The following AMACR variants were observed in gnomAD, a reference collection of about 807,000 sequenced individuals.
AMACR encodes alpha-methylacyl-CoA racemase, also known as 2-methylacyl-CoA racemase.
AMACR carries 18 observed loss-of-function variants against 22.2 expected under a neutral mutation model. That is an observed-to-expected ratio of 0.81 (90% CI 0.56 to 1.20). AMACR has a LOEUF of 1.20. Ranked by LOEUF, AMACR falls within the 50% of genes most tolerant of loss-of-function variation. The pLI is 0.00. For synonymous variants in AMACR, 213 were observed against 191.3 expected (o/e 1.11, Z -0.94); for missense variants, 499 against 490.6 (o/e 1.02, Z -0.16).
intron 4 of AMACR, among the ~76,000 whole-genome samples, chr5:33,991,755 T>TA (rs1561037862): frequency 6.6e-6 from 1 of 150,502 alleles, no homozygotes; most frequent in Non-Finnish European, 1.5e-5. Context: ...TTATTATTAT[T>TA]TTTGAGACGG....
intron 4 of AMACR, among the ~76,000 whole-genome samples, chr5:33,996,564 T>C (rs928225805): frequency 9.9e-5 from 15 of 152,278 alleles, no homozygotes; most frequent in African/African-American, 3.6e-4. Flanking sequence ...GGCAGGAGGA[T>C]AGCTTGAAGT....
At chr5:34,005,359 T>C (rs1246978881) in intron 2 of AMACR, among the ~76,000 whole-genome samples, 1 of 152,166 alleles carries the variant, frequency 6.6e-6, no homozygotes, top group African/African-American at 2.4e-5. Flanking sequence ...GCAATGATTC[T>C]CAATATGGTG....
chr5:33,988,311 T>C lies in AMACR; in HGVS notation c.*782A>G, dbSNP rs1442777542. 4 of 1,540,336 alleles carry C rather than the reference T, an allele frequency of 2.6e-6. No homozygotes were observed. Among genetic ancestry groups the C allele is most frequent in the African/African-American group, 2.7e-5 (2 of 73,272 alleles). On this transcript the variant is annotated 3_prime_UTR_variant, in exon 5 of 5. Coordinates refer to ENST00000335606, the MANE Select transcript of AMACR (RefSeq NM_014324.6). ...TTGCTGGGGGGTCCTGAGATCTTTA[T>C]TTCTGGATGTTGCTGTGTGTTGGGT... is the stretch of plus-strand genomic sequence containing the variant.
intron 4 of AMACR, among the ~76,000 whole-genome samples, chr5:33,991,211 C>T (rs1753462870): frequency 6.6e-6 from 1 of 152,060 alleles, no homozygotes; most frequent in Non-Finnish European, 1.5e-5. Flanking sequence ...AATCAAAAGC[C>T]CCCAGATCCT....
chr5:34,006,660 C>T (rs564848168), intron 1 of AMACR, among the ~76,000 whole-genome samples: 74 of 152,330 alleles, frequency 4.9e-4, no homozygotes, highest in African/African-American at 1.7e-3. Context: ...TTGGACAAGC[C>T]TCCCTCATCT....
intron 4 of AMACR, among the ~76,000 whole-genome samples, chr5:33,992,146 T>C (rs547376439): frequency 1.5e-4 from 23 of 152,176 alleles, no homozygotes; most frequent in African/African-American, 4.8e-4. Flanking sequence ...CCCAAAGTGC[T>C]GGGATTACAG....
intron 1 of AMACR, among the ~76,000 whole-genome samples, chr5:34,006,734 C>G (rs937417199): frequency 6.6e-6 from 1 of 152,228 alleles, no homozygotes; most frequent in Admixed American, 6.5e-5. Context: ...TTACAAGCCT[C>G]AAATACAGCT....
rs1362595482 is a variant in AMACR, at chr5:33,987,488, CACACAA to C, written c.*1599_*1604del. On this transcript the variant is annotated 3_prime_UTR_variant, in exon 5 of 5. Coordinates refer to ENST00000335606, the MANE Select transcript of AMACR (RefSeq NM_014324.6). ...ATCTCAGAATATTTAAAAATTTGAA[CACACAA>C]ACACAATGAAACTCAACATCTGTCA... 6.6e-6 allele frequency: 1 copy of C among 152,216 alleles called. No individual in the cohort carries two copies. Among genetic ancestry groups the C allele is most frequent in the Non-Finnish European group, 1.5e-5 (1 of 68,042 alleles). 9.4% of individuals were successfully genotyped at this position (152,216 alleles called of 1,614,324 possible). A position where few individuals can be genotyped will look rare whatever the true frequency, so the allele number is the denominator to read the frequency against.
At chr5:33,991,869 T>A (rs1038771048) in intron 4 of AMACR, among the ~76,000 whole-genome samples, 1 of 151,790 alleles carries the variant, frequency 6.6e-6, no homozygotes, top group African/African-American at 2.4e-5. Context: ...GCCTCCCTAT[T>A]TTTATTTATT....
chr5:34,007,436 T>C (rs1754017759), intron 1 of AMACR, among the ~76,000 whole-genome samples: 1 of 152,122 alleles, frequency 6.6e-6, no homozygotes, highest in Admixed American at 6.5e-5. Context: ...CCTATGGCTT[T>C]CATTAGATTC....
intron 3 of AMACR, among the ~76,000 whole-genome samples, chr5:34,003,413 A>C (rs1490775191): frequency 6.6e-6 from 1 of 152,244 alleles, no homozygotes; most frequent in Non-Finnish European, 1.5e-5. Context: ...ACACTGAACA[A>C]TGGATGAACT....
At chr5:33,999,376 T>C (rs918750490) in intron 3 of AMACR, among the ~76,000 whole-genome samples, 7 of 152,328 alleles carry the variant, frequency 4.6e-5, no homozygotes, top group East Asian at 1.9e-4. Context: ...TCATAATCAC[T>C]AGAAAGTTAT....
rs1459379000 is a variant in AMACR at position 34,007,755 on chromosome 5, C to G, written c.247+18G>C. ...CCGCGGGAACTTCCCGAGAGCAGCC[C>G]GCGGGGCCCGGGCTCACCGCGGCGG... On this transcript the variant is annotated intron_variant, in intron 1 of 4. Coordinates refer to ENST00000335606, the MANE Select transcript of AMACR (RefSeq NM_014324.6). The G allele has an allele frequency of 7.8e-6, 12 of 1,537,880 alleles. 1 individual carries two copies. Among genetic ancestry groups the G allele is most frequent in the Middle Eastern group, 3.8e-4 (2 of 5,262 alleles).
intron 3 of AMACR, among the ~76,000 whole-genome samples, chr5:33,999,617 T>C (rs1386747694): frequency 2.0e-5 from 3 of 152,240 alleles, no homozygotes; most frequent in Non-Finnish European, 4.4e-5. Flanking sequence ...ATGCCTTTTA[T>C]GAGCCTAATG....
chr5:33,997,637 C>T (rs1753684817), intron 4 of AMACR: 1 of 702,258 alleles, frequency 1.4e-6, no homozygotes. Context: ...CCAGAGCTTC[C>T]AATTTATTTG....
In AMACR at chr5:33,991,289, T is replaced by G. The variant is rs1184906170; in HGVS notation, c.740-1787A>C. Reference sequence around the variant, plus strand: ...CTTCACAGCCCACAATCTCCCATCCTGCCCATGACCCTGACCAAGGCCACA... The same window carrying G: ...CTTCACAGCCCACAATCTCCCATCCGGCCCATGACCCTGACCAAGGCCACA... On this transcript the variant is annotated intron_variant, in intron 4 of 4. Transcript: ENST00000335606. Among the ~76,000 whole-genome samples the G allele has an allele frequency of 2.0e-5, 3 of 152,146 alleles. No individual in the cohort carries two copies. In the East Asian group the frequency reaches 5.8e-4, roughly 29 times the overall value.
chr5:33,995,352 G>A (rs1160986998), intron 4 of AMACR, among the ~76,000 whole-genome samples: 1 of 152,186 alleles, frequency 6.6e-6, no homozygotes, highest in Non-Finnish European at 1.5e-5. Flanking sequence ...TAAGTGAAAA[G>A]GTGAAAGCTC....
At chr5:33,997,829 C>T (rs1477512346) in intron 4 of AMACR, 3 of 357,222 alleles carry the variant, frequency 8.4e-6, no homozygotes, top group East Asian at 8.9e-5. Context: ...GATAAGAACA[C>T]ATCAAAAATT....
chr5:34,005,785 C>T lies in AMACR; in HGVS notation c.362G>A (p.Gly121Asp), dbSNP rs746504547. The change falls in exon 2 of 5, where the codon GGC (glycine) becomes GAC (aspartate). Residue 121 changes from glycine to aspartate, a missense_variant. Coordinates refer to ENST00000335606, the MANE Select transcript of AMACR (RefSeq NM_014324.6). ...GQSGSFCRLA[G>D]HDINYLALSG... Reference sequence around the variant, plus strand: ...CAAAGCCAAATAGTTGATATCGTGGCCAGCTAACCGGCAGAAGCTTCCTGA... The same window carrying T: ...CAAAGCCAAATAGTTGATATCGTGGTCAGCTAACCGGCAGAAGCTTCCTGA... The T allele has an allele frequency of 6.2e-7, 1 of 1,614,050 alleles. No individual in the cohort carries two copies. The highest frequency in any genetic ancestry group is 8.5e-7 in the Non-Finnish European group (1 of 1,180,018).
Sources: gnomAD v4.1 joint callset for allele counts (sites outside exome capture counted in the v4.1 genomes callset) on GRCh38, gnomAD v4.1.1 for gene constraint, MANE v1.5 for transcripts, NCBI Gene and HGNC (gene_info 2026-07-23, HGNC 2026-07-21) for gene names.